The following TTC6 variants were observed in gnomAD, a reference collection of about 807,000 sequenced individuals.
TTC6 encodes tetratricopeptide repeat protein 6.
In TTC6, 172 loss-of-function variants were observed where a neutral mutation model predicts 210.4. That is an observed-to-expected ratio of 0.82 (90% CI 0.72 to 0.93). The LOEUF is 0.93. TTC6 is among the 40% of genes least tolerant of loss of function. The probability of loss-of-function intolerance (pLI) is 0.00; values close to 1 mark genes in which losing one functional copy is unlikely to be tolerated. For missense variants in TTC6, 2,414 were observed against 2,318.1 expected, an observed-to-expected ratio of 1.04 and a Z score of -0.85; for synonymous variants, 804 against 819.6, an observed-to-expected ratio of 0.98 and a Z score of 0.32.
At chr14:37,769,349 A>G (rs1390450694) in intron 14 of TTC6, among the ~76,000 whole-genome samples, 10 of 150,992 alleles carry the variant, frequency 6.6e-5, no homozygotes, top group Non-Finnish European at 8.9e-5. Flanking sequence ...CTCTTTTTCT[A>G]TTGATTGGAA....
upstream of TTC6, among the ~76,000 whole-genome samples, chr14:37,618,158 T>C (rs557277394): frequency 2.0e-5 from 3 of 152,192 alleles, no homozygotes; most frequent in Admixed American, 1.3e-4. Flanking sequence ...ACAGGAGAAA[T>C]AGACACAACT....
At chr14:37,791,010 A>G (rs1299149602) in intron 16 of TTC6, among the ~76,000 whole-genome samples, 173 bp downstream of exon 18, 1 of 152,206 alleles carries the variant, frequency 6.6e-6, no homozygotes, top group Non-Finnish European at 1.5e-5. Flanking sequence ...CTTCAAAAAT[A>G]AAACCTGTTC....
At chr14:37,761,733 T>C (rs60716279) in intron 14 of TTC6, among the ~76,000 whole-genome samples, 2,719 of 152,322 alleles carry the variant, frequency 0.018, 62 homozygotes, top group African/African-American at 0.056. Flanking sequence ...TTTTGAACTT[T>C]ATATAAATTG....
rs573244571 is a variant in TTC6, at chr14:37,767,570, A to T, written c.3266+14335A>T. On this transcript the variant is annotated intron_variant, in intron 14 of 30. Transcript: ENST00000553443. ...GGCCGGTGATGATGAACATTTTTTCATGTGTTTTTTGGCTACATAAATGTC... is the reference window on the plus strand; with the variant it reads ...GGCCGGTGATGATGAACATTTTTTCTTGTGTTTTTTGGCTACATAAATGTC... Among the ~76,000 whole-genome samples the T allele has an allele frequency of 5.3e-5, 8 of 152,182 alleles. No homozygotes were observed. In the East Asian group the frequency reaches 1.5e-3, roughly 29 times the overall value.
intron 20 of TTC6, 123 bp from the exon 23 acceptor site, chr14:37,804,557 C>T (rs1437083665): frequency 2.4e-6 from 3 of 1,276,134 alleles, no homozygotes; most frequent in African/African-American, 3.0e-5. Context: ...GTCTGTTTGT[C>T]CCCAGATAAA....
intron 14 of TTC6, among the ~76,000 whole-genome samples, chr14:37,774,297 G>A (rs1439103914): frequency 6.6e-6 from 1 of 151,960 alleles, no homozygotes; most frequent in African/African-American, 2.4e-5. Context: ...CAGTACTATG[G>A]TCAATAGGAG....
intron 7 of TTC6, among the ~76,000 whole-genome samples, chr14:37,725,354 A>ATG (rs1566912338): frequency 3.2e-5 from 4 of 125,062 alleles, no homozygotes; most frequent in East Asian, 2.3e-4. Flanking sequence ...ATATATATAT[A>ATG]TATAATTTTT....
chr14:37,757,342 G>A (rs2095971183), intron 14 of TTC6, among the ~76,000 whole-genome samples: 2 of 152,050 alleles, frequency 1.3e-5, no homozygotes, highest in Middle Eastern at 3.4e-3. Flanking sequence ...TTCACTGCAA[G>A]CTCCGCCTCC....
intron 3 of TTC6, among the ~76,000 whole-genome samples, chr14:37,691,633 G>T (rs2095803768): frequency 6.6e-6 from 1 of 152,010 alleles, no homozygotes; most frequent in Non-Finnish European, 1.5e-5. Context: ...GGATCTTAAA[G>T]AACTAGAAAA....
chr14:37,727,021 A>G (rs1266029161), intron 7 of TTC6, among the ~76,000 whole-genome samples: 1 of 151,416 alleles, frequency 6.6e-6, no homozygotes, highest in Non-Finnish European at 1.5e-5. Context: ...TACTTTCCCT[A>G]TGTTTGTCAG....
At chr14:37,719,805 T>A (rs952553699) in intron 6 of TTC6, among the ~76,000 whole-genome samples, 1 of 152,238 alleles carries the variant, frequency 6.6e-6, no homozygotes, top group Non-Finnish European at 1.5e-5. Flanking sequence ...ATTCTTACAC[T>A]TGACCCCAAA....
intron 3 of TTC6, among the ~76,000 whole-genome samples, chr14:37,694,105 A>G (rs1157798441): frequency 6.6e-6 from 1 of 152,118 alleles, no homozygotes; most frequent in Non-Finnish European, 1.5e-5. Context: ...AAATGAACAA[A>G]TGGGTTCATG....
At chr14:37,738,689 AGTAATT>A (rs1212415683) in intron 9 of TTC6, 81 bp from the exon 12 acceptor site, 11 of 1,095,816 alleles carry the variant, frequency 1.0e-5, no homozygotes, top group Middle Eastern at 3.1e-4. Context: ...CCACATTAAT[AGTAATT>A]GTAACAGAAT....
chr14:37,822,835 C>T (rs533800392), intron 26 of TTC6, among the ~76,000 whole-genome samples: 1 of 152,138 alleles, frequency 6.6e-6, no homozygotes, highest in Non-Finnish European at 1.5e-5. Flanking sequence ...TGTGCCATTA[C>T]CTGTGTGCAG....
At chr14:37,759,270 A>C (rs1357496401) in intron 14 of TTC6, among the ~76,000 whole-genome samples, 2 of 151,844 alleles carry the variant, frequency 1.3e-5, no homozygotes, top group Non-Finnish European at 2.9e-5. Context: ...CTCAAAAAAA[A>C]AAAAAGAAAA....
chr14:37,741,328 G>T (rs2095919047), intron 10 of TTC6, among the ~76,000 whole-genome samples: 1 of 113,114 alleles, frequency 8.8e-6, no homozygotes. Flanking sequence ...GAGTCTCGCT[G>T]TTGCCCAGGC....
chr14:37,708,569 G>C (rs1385609997), intron 5 of TTC6, among the ~76,000 whole-genome samples: 1 of 151,938 alleles, frequency 6.6e-6, no homozygotes, highest in Non-Finnish European at 1.5e-5. Context: ...TTTGTGAAAG[G>C]CCATTTTATT....
intron 14 of TTC6, among the ~76,000 whole-genome samples, chr14:37,759,712 T>C (rs893884218): frequency 3.3e-5 from 5 of 152,230 alleles, no homozygotes; most frequent in African/African-American, 1.2e-4. Flanking sequence ...TCATTCTTTC[T>C]TGTCTAATCT....
chr14:37,806,987 C>G (rs555245718), intron 22 of TTC6, among the ~76,000 whole-genome samples: 1 of 151,950 alleles, frequency 6.6e-6, no homozygotes, highest in Non-Finnish European at 1.5e-5. Flanking sequence ...TGGTTATGTA[C>G]GAGAATGTCT....
Sources: gnomAD v4.1 joint callset for allele counts (sites outside exome capture counted in the v4.1 genomes callset) on GRCh38, gnomAD v4.1.1 for gene constraint, MANE v1.5 for transcripts, NCBI Gene and HGNC (gene_info 2026-07-23, HGNC 2026-07-21) for gene names.